Variants in FOXN3 observed in about 807,000 individuals in gnomAD.
FOXN3 encodes forkhead box N3, also known as forkhead box protein N3.
A neutral mutation model predicts 38.4 loss-of-function variants in FOXN3; 7 were observed. That is an observed-to-expected ratio of 0.18 (90% CI 0.10 to 0.34). The LOEUF (loss-of-function observed/expected upper bound fraction) is 0.34. Ranked by LOEUF, FOXN3 falls within the 10% of genes least tolerant of loss-of-function variation. The pLI, the probability that FOXN3 is intolerant of heterozygous loss-of-function variation, is 1.00. For synonymous variants in FOXN3, 230 were observed against 242.2 expected (o/e 0.95, Z 0.47); for missense variants, 456 against 613.4 (o/e 0.74, Z 2.71).
At chr14:89,190,899 T>A (rs1054132112) in intron 4 of FOXN3, among the ~76,000 whole-genome samples, 1 of 152,136 alleles carries the variant, frequency 6.6e-6, no homozygotes, top group South Asian at 2.1e-4. Flanking sequence ...ACAAGACATG[T>A]GGTCATTTCC....
intron 2 of FOXN3, among the ~76,000 whole-genome samples, chr14:89,372,265 A>G (rs1293449854): frequency 2.6e-5 from 4 of 152,228 alleles, no homozygotes; most frequent in Admixed American, 2.6e-4. Flanking sequence ...TTGAAAAAAC[A>G]GAATTCATCT....
chr14:89,273,460 T>TA (rs1886211956), intron 4 of FOXN3, among the ~76,000 whole-genome samples: 1 of 152,132 alleles, frequency 6.6e-6, no homozygotes, highest in African/African-American at 2.4e-5. Context: ...GAGCTGAAAT[T>TA]AAAGTCAGAC....
intron 2 of FOXN3, chr14:89,353,739 A>ATT: frequency 6.6e-6 from 1 of 150,612 alleles, no homozygotes; most frequent in Non-Finnish European, 1.5e-5. Flanking sequence ...CCCAAAAAAA[A>ATT]TTTTTTTTTT....
At chr14:89,174,672 A>G (rs756243517) in intron 5 of FOXN3, among the ~76,000 whole-genome samples, 1 of 152,196 alleles carries the variant, frequency 6.6e-6, no homozygotes, top group Non-Finnish European at 1.5e-5. Context: ...CAAATTTCAC[A>G]GTTTGCTGGT....
intron 1 of FOXN3, among the ~76,000 whole-genome samples, chr14:89,568,740 C>T (rs1459315649): frequency 6.6e-6 from 1 of 152,100 alleles, no homozygotes; most frequent in East Asian, 1.9e-4. Flanking sequence ...ATGTTTGGCA[C>T]AAATGAGAAA....
At chr14:89,554,395 C>T (rs1895070291) in intron 1 of FOXN3, among the ~76,000 whole-genome samples, 1 of 152,114 alleles carries the variant, frequency 6.6e-6, no homozygotes, top group Admixed American at 6.5e-5. Context: ...CTAGGTCTTC[C>T]AAAGTGCTGG....
intron 2 of FOXN3, among the ~76,000 whole-genome samples, chr14:89,363,957 T>TATATATATATATATATATATATATATA: frequency 2.2e-4 from 1 of 4,566 alleles, no homozygotes; most frequent in African/African-American, 3.0e-4. Flanking sequence ...AATATATATA[T>TATATATATATATATATATATATATATA]ATATATATAT....
At chr14:89,605,063 G>C (rs576791743) in intron 1 of FOXN3, among the ~76,000 whole-genome samples, 1 of 151,810 alleles carries the variant, frequency 6.6e-6, no homozygotes, top group South Asian at 2.1e-4. Context: ...GATGAAGGGG[G>C]TGGGTTGGGG....
At chr14:89,294,803 G>C (rs1033453517) in intron 3 of FOXN3, among the ~76,000 whole-genome samples, 5 of 152,168 alleles carry the variant, frequency 3.3e-5, no homozygotes, top group African/African-American at 7.2e-5. Context: ...ATATCATCAA[G>C]AAATAACCAT....
intron 1 of FOXN3, among the ~76,000 whole-genome samples, chr14:89,569,059 G>T (rs1030595846): frequency 1.3e-5 from 2 of 152,114 alleles, no homozygotes; most frequent in African/African-American, 4.8e-5. Context: ...AAAAATATTA[G>T]CCGGGCGTGG....
At chr14:89,489,865 T>C (rs919958153) in intron 1 of FOXN3, among the ~76,000 whole-genome samples, 2 of 152,172 alleles carry the variant, frequency 1.3e-5, no homozygotes, top group Non-Finnish European at 2.9e-5. Context: ...CGCGCGCGCA[T>C]GCACACACAT....
chr14:89,284,398 C>A (rs1886552664), intron 3 of FOXN3: 1 of 452,268 alleles, frequency 2.2e-6, no homozygotes, highest in Non-Finnish European at 4.5e-6. Flanking sequence ...AGTGATCAAC[C>A]CAAGAAGGAC....
chr14:89,457,356 T>C (rs919430921), intron 1 of FOXN3, among the ~76,000 whole-genome samples: 10 of 152,196 alleles, frequency 6.6e-5, no homozygotes, highest in Non-Finnish European at 1.0e-4. Context: ...TTGATTCTGA[T>C]TGGGCTCCTG....
At chr14:89,324,447 T>TGTGC (rs1555417990) in intron 3 of FOXN3, among the ~76,000 whole-genome samples, 10 of 53,012 alleles carry the variant, frequency 1.9e-4, no homozygotes, top group Non-Finnish European at 2.5e-4. Context: ...TGTGTGCGTG[T>TGTGC]GTGTGTGTGT....
intron 4 of FOXN3, among the ~76,000 whole-genome samples, chr14:89,212,313 A>G (rs897054059): frequency 1.3e-5 from 2 of 152,088 alleles, no homozygotes; most frequent in Non-Finnish European, 2.9e-5. Context: ...CAAACTGCGG[A>G]GGTTGGGAAG....
At chr14:89,326,069 T>C (rs1441396567) in intron 3 of FOXN3, among the ~76,000 whole-genome samples, 1 of 152,170 alleles carries the variant, frequency 6.6e-6, no homozygotes, top group East Asian at 1.9e-4. Context: ...AAAGCAAAAC[T>C]ATTGTATCTC....
intron 4 of FOXN3, among the ~76,000 whole-genome samples, chr14:89,188,036 G>A (rs950783070): frequency 3.9e-5 from 6 of 152,184 alleles, no homozygotes; most frequent in South Asian, 2.1e-4. Context: ...TAGGCACCCC[G>A]GGTTCTTTCC....
chr14:89,273,008 C>G (rs1886196179), intron 4 of FOXN3, among the ~76,000 whole-genome samples: 1 of 152,234 alleles, frequency 6.6e-6, no homozygotes, highest in African/African-American at 2.4e-5. Context: ...TTGTGAAACT[C>G]TGCACCTTTC....
intron 5 of FOXN3, among the ~76,000 whole-genome samples, chr14:89,176,622 TC>T: frequency 6.6e-6 from 1 of 152,350 alleles, no homozygotes; most frequent in East Asian, 1.9e-4. Context: ...TGCACTGCTT[TC>T]CTTTTTAGCC....
Sources: gnomAD v4.1 joint callset for allele counts (sites outside exome capture counted in the v4.1 genomes callset) on GRCh38, gnomAD v4.1.1 for gene constraint, MANE v1.5 for transcripts, NCBI Gene and HGNC (gene_info 2026-07-23, HGNC 2026-07-21) for gene names.